Variants in GPR155 observed in about 807,000 individuals in gnomAD.
GPR155 encodes lysosomal cholesterol signaling protein.
In GPR155, 65 loss-of-function variants were observed where a neutral mutation model predicts 93.1. The observed-to-expected ratio is 0.70, with a 90% CI of 0.57 to 0.86. GPR155 has a LOEUF of 0.86. GPR155 is among the 40% of genes least tolerant of loss of function. The pLI, the probability that GPR155 is intolerant of heterozygous loss-of-function variation, is 0.00. For synonymous variants in GPR155, 319 were observed against 360.1 expected (o/e 0.89, Z 1.29); for missense variants, 838 against 1,034.8 (o/e 0.81, Z 2.61).
intron 2 of GPR155, among the ~76,000 whole-genome samples, chr2:174,478,985 C>G (rs1287995389): frequency 6.6e-6 from 1 of 152,080 alleles, no homozygotes; most frequent in Non-Finnish European, 1.5e-5. Flanking sequence ...TGAAAAAGCA[C>G]TCGTCTAATA....
intron 11 of GPR155, among the ~76,000 whole-genome samples, chr2:174,447,391 T>G (rs1322082157): frequency 6.8e-6 from 1 of 146,648 alleles, no homozygotes; most frequent in Non-Finnish European, 1.5e-5. Context: ...ATAAATTATA[T>G]ATAATTTTTA....
Position 174,435,460 on chromosome 2 carries a change from A to AT in GPR155, c.*655_*656insA, listed in dbSNP as rs1243617364. On this transcript the variant is annotated 3_prime_UTR_variant, in exon 16 of 16. Coordinates refer to ENST00000392552, the MANE Select transcript of GPR155 (RefSeq NM_152529.7). Reference sequence around the variant, plus strand: ...TATGCAAATACTACACCATTTTATTAATTATTTTATTTTATTTTATTTTAT... The same window carrying AT: ...TATGCAAATACTACACCATTTTATTATATTATTTTATTTTATTTTATTTTAT... 1.2e-4 allele frequency: 7 copies of AT among 58,086 alleles called. No homozygotes were observed. The highest frequency in any genetic ancestry group is 5.1e-4 in the African/African-American group (7 of 13,716). 3.6% of individuals were successfully genotyped at this position (58,086 alleles called of 1,614,324 possible).
At chr2:174,440,507 G>A (rs560885842) in intron 14 of GPR155, among the ~76,000 whole-genome samples, 9 of 151,868 alleles carry the variant, frequency 5.9e-5, no homozygotes, top group East Asian at 5.8e-4. Flanking sequence ...CATTAGAATC[G>A]TTGATTATTT....
rs755433390 is a variant in GPR155, at chr2:174,473,296, G to A, written c.529C>T (p.Leu177Phe). The A allele has an allele frequency of 6.2e-7, 1 of 1,605,332 alleles. No individual in the cohort carries two copies. The highest frequency in any genetic ancestry group is 1.1e-5 in the South Asian group (1 of 89,922). ...AACCCTATAGGGTTTAACATCATAAGAGATATTGGTGCCACCAAATAAATG... is the reference window on the plus strand; with the variant it reads ...AACCCTATAGGGTTTAACATCATAAAAGATATTGGTGCCACCAAATAAATG... Reference protein sequence around the residue: ...QYIYLVAPISLMMLNPIGFIF... With the variant: ...QYIYLVAPISFMMLNPIGFIF... The change falls in exon 3 of 16, where the codon CTT becomes TTT. Residue 177 changes from leucine to phenylalanine, a missense_variant. By Grantham distance (22) the Leu-to-Phe change is conservative. Around this residue, in one of 3 missense-constraint regions of GPR155, gnomAD observed 663 missense variants for 790.1 expected, o/e 0.84. Transcript: ENST00000392552.
Position 174,481,709 on chromosome 2 carries a change from G to A in GPR155, c.248C>T (p.Pro83Leu). The A allele has an allele frequency of 1.2e-6, 2 of 1,614,100 alleles. No homozygotes were observed. Among genetic ancestry groups the A allele is most frequent in the East Asian group, 2.2e-5 (1 of 44,880 alleles). Reference sequence around the variant, plus strand: ...AACCATGTTTTTGAATAATAAAGCTGGAAGTGCAAATCTGGAGACAAAATT... The same window carrying A: ...AACCATGTTTTTGAATAATAAAGCTAGAAGTGCAAATCTGGAGACAAAATT... ...LGNFVSRFAL[P>L]ALLFKNMVVL... The change falls in exon 2 of 16, where the codon CCA becomes CTA. Residue 83 changes from proline to leucine, a missense_variant. This residue lies in a region of GPR155 where 663 missense variants were observed against 790.1 expected (regional missense o/e 0.84). Coordinates refer to ENST00000392552, the MANE Select transcript of GPR155 (RefSeq NM_152529.7).
At chr2:174,474,251 T>C (rs1397359849) in intron 2 of GPR155, among the ~76,000 whole-genome samples, 2 of 152,180 alleles carry the variant, frequency 1.3e-5, no homozygotes, top group African/African-American at 4.8e-5. Flanking sequence ...CTAGCAATGG[T>C]CCACAGTAGC....
intron 10 of GPR155, among the ~76,000 whole-genome samples, chr2:174,458,951 G>A (rs560090813): frequency 2.6e-5 from 4 of 152,038 alleles, no homozygotes; most frequent in Non-Finnish European, 5.9e-5. Context: ...AGCCAGGCGT[G>A]GTGGCGTGCG....
chr2:174,478,750 AC>A (rs1168086672), intron 2 of GPR155, among the ~76,000 whole-genome samples: 1 of 152,074 alleles, frequency 6.6e-6, no homozygotes, highest in African/African-American at 2.4e-5. Context: ...ATTTCTTATA[AC>A]CCATGATCGA....
chr2:174,444,315 T>G (rs949435263), intron 13 of GPR155, among the ~76,000 whole-genome samples: 6 of 151,008 alleles, frequency 4.0e-5, no homozygotes, highest in East Asian at 2.0e-4. Context: ...CTCAGGAGGC[T>G]GAGACAGGAG....
chr2:174,442,490 G>A (rs1399379910), intron 13 of GPR155, among the ~76,000 whole-genome samples: 2 of 152,130 alleles, frequency 1.3e-5, no homozygotes, highest in Non-Finnish European at 1.5e-5. Flanking sequence ...TTTATAAAAA[G>A]AAAATATTTC....
At chr2:174,464,383 A>C (rs1242873225) in intron 7 of GPR155, among the ~76,000 whole-genome samples, 1 of 152,188 alleles carries the variant, frequency 6.6e-6, no homozygotes, top group Non-Finnish European at 1.5e-5. Flanking sequence ...TTAAGGAAAA[A>C]AGAACAAGTA....
At chr2:174,441,889 C>T (rs780977272) in intron 14 of GPR155, among the ~76,000 whole-genome samples, 6 of 151,416 alleles carry the variant, frequency 4.0e-5, no homozygotes, top group African/African-American at 4.8e-5. Flanking sequence ...ACTACAAAAG[C>T]ATGCCACCAC....
chr2:174,440,125 C>A lies in GPR155; in HGVS notation c.2175-90G>T, dbSNP rs1035772714. On this transcript the variant is annotated intron_variant, in intron 14 of 15. Coordinates refer to ENST00000392552, the MANE Select transcript of GPR155 (RefSeq NM_152529.7). ...TTATCACCCCATCAAAATGGCTGTT[C>A]CAAAGCTGTCGATCACCAAAGCTGT... 28 of 1,038,154 alleles carry A rather than the reference C, an allele frequency of 2.7e-5. 1 individual carries two copies. Among genetic ancestry groups the A allele is most frequent in the South Asian group, 2.4e-4 (15 of 63,488 alleles). The allele number at this position is 1,038,154 out of a possible 1,614,324, so 64.3% of individuals were successfully genotyped here. A position where few individuals can be genotyped will look rare whatever the true frequency, so the allele number is the denominator to read the frequency against.
At chr2:174,453,606 G>T in intron 11 of GPR155, 131 bp downstream of exon 11, 1 of 545,682 alleles carries the variant, frequency 1.8e-6, no homozygotes, top group Non-Finnish European at 3.3e-6. Context: ...CTTGCAGTGA[G>T]CCAAGATAGC....
At chr2:174,464,329 A>G (rs1687781572) in intron 7 of GPR155, among the ~76,000 whole-genome samples, 1 of 152,220 alleles carries the variant, frequency 6.6e-6, no homozygotes, top group Admixed American at 6.5e-5. Flanking sequence ...GATTTTACTG[A>G]TATAAGGCTC....
Position 174,461,420 on chromosome 2 carries a change from G to A in GPR155, c.1542C>T (p.Phe514=). 1 of 1,612,260 alleles carries A rather than the reference G, an allele frequency of 6.2e-7. No homozygotes were observed. The highest frequency in any genetic ancestry group is 1.1e-5 in the South Asian group (1 of 91,032). The part of the protein sequence containing the change: ...KHNGDSIDSA[F]FYGKEQMITT... ...TTCCCACCTGTTCTTTTCCATAAAA[G>A]AAGGCTGAGTCAATGCTATCTCCAT... The change falls in exon 9 of 16, where the codon TTC becomes TTT. Residue 514 remains phenylalanine (F), a synonymous_variant. Transcript: ENST00000392552.
intron 2 of GPR155, among the ~76,000 whole-genome samples, chr2:174,474,043 C>T (rs1688074975): frequency 6.6e-6 from 1 of 152,142 alleles, no homozygotes; most frequent in South Asian, 2.1e-4. Flanking sequence ...GAAAACATCA[C>T]TGGAGAAGAG....
In GPR155 at chr2:174,439,898, C is replaced by T; in HGVS notation, c.2312G>A (p.Arg771Lys). 4 of 1,611,634 alleles carry T rather than the reference C, an allele frequency of 2.5e-6. No homozygotes were observed. The highest frequency in any genetic ancestry group is 3.4e-6 in the Non-Finnish European group (4 of 1,178,658). ...LCIRNIVKERRCGAKTSAGTF... is the reference protein window; with the variant it reads ...LCIRNIVKERKCGAKTSAGTF... ...GAACCTGTACTGGCACTTTGCTTAC[C>T]TTCTTTCTTTGACAATGTTTCGGAT... The change falls in exon 15 of 16, where the codon AGG becomes AAG. Residue 771 changes from arginine (R) to lysine (K), a missense_variant and splice_region_variant. Around this residue, in one of 3 missense-constraint regions of GPR155, gnomAD observed 146 missense variants for 177.5 expected, o/e 0.82. Coordinates refer to ENST00000392552, the MANE Select transcript of GPR155 (RefSeq NM_152529.7).
At chr2:174,463,789 T>G (rs757214956) in intron 7 of GPR155, among the ~76,000 whole-genome samples, 12 of 152,224 alleles carry the variant, frequency 7.9e-5, no homozygotes, top group Non-Finnish European at 1.3e-4. Context: ...AATCTGTGAA[T>G]TTGCTTTGGT....
Sources: gnomAD v4.1 joint callset for allele counts (sites outside exome capture counted in the v4.1 genomes callset) on GRCh38, gnomAD v4.1.1 for gene constraint, gnomAD v4.1.1 regional missense constraint, MANE v1.5 for transcripts, NCBI Gene and HGNC (gene_info 2026-07-23, HGNC 2026-07-21) for gene names.